The following SYT13 variants were observed in gnomAD, a reference collection of about 807,000 sequenced individuals.
The protein encoded by SYT13 is synaptotagmin-13.
Under a neutral mutation model 38.6 loss-of-function variants are expected in SYT13, and 21 were observed. The ratio of observed to expected loss-of-function variants is 0.54; its 90% CI spans 0.39 to 0.78. SYT13 has a LOEUF of 0.78. Among genes scored for constraint, SYT13 ranks in the 30% least tolerant of loss-of-function variants. The pLI is 0.00. For synonymous variants in SYT13, 241 were observed against 237.6 expected (o/e 1.01, Z -0.13); for missense variants, 495 against 548.7 (o/e 0.90, Z 0.98).
At chr11:45,269,743 C>T (rs1854926894) in intron 1 of SYT13, among the ~76,000 whole-genome samples, 1 of 152,220 alleles carries the variant, frequency 6.6e-6, no homozygotes, top group Admixed American at 6.5e-5. Flanking sequence ...GCTAGTGCTA[C>T]TAACCTGTAT....
intron 1 of SYT13, among the ~76,000 whole-genome samples, chr11:45,279,868 C>T (rs772537137): frequency 9.9e-5 from 15 of 152,166 alleles, no homozygotes; most frequent in Non-Finnish European, 1.6e-4. Flanking sequence ...ATTCATGGGG[C>T]GTCCTATCAT....
chr11:45,247,295 G>A (rs1854625123), intron 4 of SYT13, among the ~76,000 whole-genome samples: 1 of 152,224 alleles, frequency 6.6e-6, no homozygotes, highest in South Asian at 2.1e-4. Context: ...GGGGAGACCT[G>A]GCAGGAAAGA....
chr11:45,255,140 T>G (rs2135892488), intron 2 of SYT13, among the ~76,000 whole-genome samples: 1 of 152,084 alleles, frequency 6.6e-6, no homozygotes. Flanking sequence ...TGGGACCTTA[T>G]CTCAAAAAAA....
rs963620798 is a variant in SYT13, at chr11:45,278,368, AT to A, written c.183+7656del. On this transcript the variant is annotated intron_variant, in intron 1 of 5. Transcript: ENST00000020926. ...AAAGGGACTGTCTCCACATATTCGG[AT>A]TGCTCTCGTAGGTCTTTGATCCTGG... 9.2e-5 allele frequency among the ~76,000 whole-genome samples: 14 copies of A among 152,118 alleles called. 1 individual carries two copies. The South Asian group carries it at 2.1e-3, about 23-fold the overall frequency.
chr11:45,254,627 A>T, intron 2 of SYT13: 1 of 477,842 alleles, frequency 2.1e-6, no homozygotes, highest in Non-Finnish European at 3.6e-6. Context: ...CACAAAACAA[A>T]ACAGAGACTA....
intron 4 of SYT13, among the ~76,000 whole-genome samples, chr11:45,249,521 G>A (rs1428535906): frequency 2.6e-5 from 4 of 152,208 alleles, no homozygotes; most frequent in Non-Finnish European, 4.4e-5. Flanking sequence ...ATGATAGACT[G>A]AATAAAGAAT....
chr11:45,278,826 G>A lies in SYT13; in HGVS notation c.183+7199C>T, dbSNP rs188697233. 1.5e-3 allele frequency among the ~76,000 whole-genome samples: 235 copies of A among 152,226 alleles called. No individual in the cohort carries two copies. In the Middle Eastern group the frequency reaches 0.02, roughly 13 times the overall value. ...GAGTGCTTTGAAGAGTATTTCCAGC[G>A]GGTATGTGCTCATCTCCCTGAAAGA... On this transcript the variant is annotated intron_variant, in intron 1 of 5. Transcript: ENST00000020926.
In SYT13 at chr11:45,269,320, T is replaced by TAAAAAAACAAAC. The variant is rs1554981176; in HGVS notation, c.184-13441_184-13430dup. ...GGAAACTAAATTTTAAAACAATTATTAAAAAAACAAACAAAAAAACAAAAC... is the reference window on the plus strand; with the variant it reads ...GGAAACTAAATTTTAAAACAATTATTAAAAAAACAAACAAAAAAACAAACAAAAAAACAAAAC... On this transcript the variant is annotated intron_variant, in intron 1 of 5. Transcript: ENST00000020926. The TAAAAAAACAAAC allele has an allele frequency of 7.6e-4, 500 of 657,014 alleles. 2 individuals carry two copies. In the African/African-American group the frequency reaches 9.4e-3, roughly 12 times the overall value. 40.7% of individuals were successfully genotyped at this position (657,014 alleles called of 1,614,324 possible). A position where few individuals can be genotyped will look rare whatever the true frequency, so the allele number is the denominator to read the frequency against.
intron 1 of SYT13, among the ~76,000 whole-genome samples, chr11:45,261,732 A>T (rs1467265751): frequency 1.3e-5 from 2 of 152,112 alleles, no homozygotes; most frequent in Non-Finnish European, 2.9e-5. Context: ...CCTGGCCAAC[A>T]TGGCAAAACC....
At chr11:45,251,957 ATCG>A (rs1355673129) in intron 4 of SYT13, among the ~76,000 whole-genome samples, 4 of 152,210 alleles carry the variant, frequency 2.6e-5, no homozygotes, top group African/African-American at 7.2e-5. Flanking sequence ...CACATCAAAT[ATCG>A]TCATCATTTG....
intron 1 of SYT13, among the ~76,000 whole-genome samples, chr11:45,284,845 C>T (rs994129267): frequency 9.2e-5 from 14 of 152,240 alleles, no homozygotes; most frequent in Admixed American, 9.2e-4. Flanking sequence ...TGCTGTGCAG[C>T]CGGCTCCTAT....
chr11:45,285,951 C>T (rs1443951218), intron 1 of SYT13, 74 bp downstream of exon 1: 1 of 1,547,428 alleles, frequency 6.5e-7, no homozygotes, highest in Non-Finnish European at 8.7e-7. Flanking sequence ...CCGCCTCCCA[C>T]CCCAGTTCCC....
chr11:45,277,148 A>G (rs577924450), intron 1 of SYT13, among the ~76,000 whole-genome samples: 2 of 152,364 alleles, frequency 1.3e-5, no homozygotes, highest in South Asian at 2.1e-4. Context: ...CCAGTCACAA[A>G]AGACCACATA....
chr11:45,254,464 C>T, intron 2 of SYT13, 60 bp from the exon 3 acceptor site: 1 of 1,571,464 alleles, frequency 6.4e-7, no homozygotes, highest in Non-Finnish European at 8.6e-7. Flanking sequence ...TTCCTGATTA[C>T]ACCTTTCTCA....
At chr11:45,247,850 A>G (rs1313688267) in intron 4 of SYT13, among the ~76,000 whole-genome samples, 1 of 152,274 alleles carries the variant, frequency 6.6e-6, no homozygotes, top group African/African-American at 2.4e-5. Flanking sequence ...GTGATTAAAT[A>G]TATAACATCG....
intron 1 of SYT13, among the ~76,000 whole-genome samples, chr11:45,284,111 G>A (rs1278596974): frequency 2.0e-5 from 3 of 152,204 alleles, no homozygotes; most frequent in Non-Finnish European, 2.9e-5. Flanking sequence ...AAAAGGGCTT[G>A]GTGTTTTAAA....
chr11:45,268,176 A>G (rs1854907680), intron 1 of SYT13, among the ~76,000 whole-genome samples: 1 of 152,132 alleles, frequency 6.6e-6, no homozygotes, highest in African/African-American at 2.4e-5. Context: ...AGCCAGCCCT[A>G]ACGCAAACGT....
chr11:45,258,502 A>T (rs2135895304), intron 1 of SYT13: 1 of 152,342 alleles, frequency 6.6e-6, no homozygotes, highest in African/African-American at 2.4e-5. Context: ...TTAGGCTGCA[A>T]AGAGATGAGA....
chr11:45,272,625 G>A (rs567475049), intron 1 of SYT13, among the ~76,000 whole-genome samples: 27 of 152,310 alleles, frequency 1.8e-4, no homozygotes, highest in African/African-American at 6.5e-4. Flanking sequence ...TACATGGGCT[G>A]ACAATCAAAC....
Sources: allele counts gnomAD v4.1 joint callset (sites outside exome capture counted in the v4.1 genomes callset), GRCh38; gene constraint gnomAD v4.1.1; transcripts MANE v1.5; gene names NCBI Gene and HGNC (gene_info 2026-07-23, HGNC 2026-07-21).